Variants in DNAJC15 observed in about 807,000 individuals in gnomAD.
The protein encoded by DNAJC15 is DnaJ heat shock protein family (Hsp40) member C15.
A neutral mutation model predicts 22.4 loss-of-function variants in DNAJC15; 27 were observed. The ratio of observed to expected loss-of-function variants is 1.20; its 90% CI spans 0.89 to 1.66. The LOEUF is 1.66. Among genes scored for constraint, DNAJC15 ranks in the 40% most tolerant of loss-of-function variants. DNAJC15 has a pLI of 0.00. For missense variants in DNAJC15, 208 were observed against 187.1 expected (o/e 1.11, Z -0.65); for synonymous variants, 79 against 63.2 (o/e 1.25, Z -1.19).
At chr13:43,105,354 A>G (rs914830500) in intron 5 of DNAJC15, among the ~76,000 whole-genome samples, 2 of 152,296 alleles carry the variant, frequency 1.3e-5, no homozygotes, top group East Asian at 1.9e-4. Context: ...GCTCTAATTA[A>G]TGGAACCTAA....
intron 3 of DNAJC15, 143 bp downstream of exon 3, chr13:43,069,146 A>C: frequency 1.4e-6 from 1 of 719,452 alleles, no homozygotes; most frequent in African/African-American, 1.8e-5. Context: ...GAGTTTGTCT[A>C]ATTTACTGGC....
At chr13:43,097,828 T>C (rs1015656028) in intron 5 of DNAJC15, among the ~76,000 whole-genome samples, 1 of 152,124 alleles carries the variant, frequency 6.6e-6, no homozygotes, top group South Asian at 2.1e-4. Context: ...TCCCAGCTAC[T>C]CAGGAGGCTG....
At chr13:43,100,087 T>G (rs1214557420) in intron 5 of DNAJC15, among the ~76,000 whole-genome samples, 1 of 152,132 alleles carries the variant, frequency 6.6e-6, no homozygotes, top group Admixed American at 6.5e-5. Flanking sequence ...TGAGTCAGTA[T>G]CAGTAGTTTG....
intron 3 of DNAJC15, among the ~76,000 whole-genome samples, chr13:43,077,160 T>C (rs982342712): frequency 1.3e-5 from 2 of 152,210 alleles, no homozygotes; most frequent in East Asian, 1.9e-4. Flanking sequence ...ATTTTAAACT[T>C]AGTATATCCG....
chr13:43,031,163 A>G (rs2040402698), intron 1 of DNAJC15, among the ~76,000 whole-genome samples: 1 of 152,214 alleles, frequency 6.6e-6, no homozygotes, highest in Non-Finnish European at 1.5e-5. Context: ...TGCTTTTCTA[A>G]AGGAGGCAGA....
At chr13:43,100,261 G>A (rs1043232700) in intron 5 of DNAJC15, among the ~76,000 whole-genome samples, 2 of 142,530 alleles carry the variant, frequency 1.4e-5, no homozygotes, top group African/African-American at 2.6e-5. Flanking sequence ...AGACTGGAGT[G>A]CAGTGGCACA....
chr13:43,107,319 C>T lies in DNAJC15; in HGVS notation c.*71C>T, dbSNP rs1315372457. 7 of 1,303,600 alleles carry T rather than the reference C, an allele frequency of 5.4e-6. No individual in the cohort carries two copies. The highest frequency in any genetic ancestry group is 6.4e-5 in the Admixed American group (2 of 31,364). The allele number at this position is 1,303,600 out of a possible 1,614,324, so 80.8% of individuals were successfully genotyped here. On this transcript the variant is annotated 3_prime_UTR_variant, in exon 6 of 6. Coordinates refer to ENST00000379221, the MANE Select transcript of DNAJC15 (RefSeq NM_013238.3). ...AAAAAAAAAAGCCCTGCAAAATATTCTAAAACATGGTCTTCTTAATTTTCT... is the reference window on the plus strand; with the variant it reads ...AAAAAAAAAAGCCCTGCAAAATATTTTAAAACATGGTCTTCTTAATTTTCT...
At chr13:43,037,813 G>C (rs149136831) in intron 1 of DNAJC15, among the ~76,000 whole-genome samples, 361 of 152,314 alleles carry the variant, frequency 2.4e-3, no homozygotes, top group Middle Eastern at 0.02. Context: ...GGAACACATG[G>C]AGGTCATGTA....
chr13:43,048,325 C>CAAAAAAAAAAAAA (rs766125510), intron 1 of DNAJC15, among the ~76,000 whole-genome samples: 8 of 130,190 alleles, frequency 6.1e-5, no homozygotes, highest in Non-Finnish European at 6.7e-5. Context: ...ACTAAAAATA[C>CAAAAAAAAAAAAA]AAAAAAAAAA....
At chr13:43,054,877 A>C (rs2153440387) in intron 1 of DNAJC15, among the ~76,000 whole-genome samples, 1 of 152,288 alleles carries the variant, frequency 6.6e-6, no homozygotes, top group Admixed American at 6.5e-5. Context: ...GTTCAAAGAA[A>C]TCACTTCTCT....
chr13:43,075,518 A>G (rs529718108), intron 3 of DNAJC15, among the ~76,000 whole-genome samples: 5 of 152,326 alleles, frequency 3.3e-5, no homozygotes, highest in African/African-American at 7.2e-5. Context: ...GGCATGATTT[A>G]AAAACAAAAG....
At chr13:43,086,074 C>G (rs2153441613) in intron 5 of DNAJC15, among the ~76,000 whole-genome samples, 1 of 152,244 alleles carries the variant, frequency 6.6e-6, no homozygotes, top group South Asian at 2.1e-4. Flanking sequence ...ACTTCCTGAA[C>G]CATCTGATGC....
At chr13:43,061,282 C>T (rs1179998669) in intron 1 of DNAJC15, among the ~76,000 whole-genome samples, 3 of 152,018 alleles carry the variant, frequency 2.0e-5, no homozygotes, top group Non-Finnish European at 2.9e-5. Context: ...TGGGAGTGGT[C>T]AGATGAGAAG....
chr13:43,073,952 A>G (rs1216721164), intron 3 of DNAJC15, among the ~76,000 whole-genome samples: 1 of 142,162 alleles, frequency 7.0e-6, no homozygotes, highest in Non-Finnish European at 1.6e-5. Context: ...GAGAAAACCC[A>G]TCCTTCTTCT....
chr13:43,025,702 G>A (rs1313950094), intron 1 of DNAJC15, among the ~76,000 whole-genome samples: 8 of 152,224 alleles, frequency 5.3e-5, no homozygotes, highest in South Asian at 4.2e-4. Flanking sequence ...TCAGGGGTTC[G>A]AGACCAGCCT....
At chr13:43,073,506 C>T (rs1178312462) in intron 3 of DNAJC15, among the ~76,000 whole-genome samples, 1 of 152,092 alleles carries the variant, frequency 6.6e-6, no homozygotes, top group African/African-American at 2.4e-5. Flanking sequence ...TACCTGGCCT[C>T]TTATGCTCTA....
At position 43,076,522 on chromosome 13, in the gene DNAJC15, A is replaced by G. The variant is rs1453593824; in HGVS notation, c.235-2090A>G. Among the ~76,000 whole-genome samples, 4 of 152,240 alleles carry G rather than the reference A, an allele frequency of 2.6e-5. No individual in the cohort carries two copies. The East Asian group carries it at 7.7e-4, about 29-fold the overall frequency. On this transcript the variant is annotated intron_variant, in intron 3 of 5. Coordinates refer to ENST00000379221, the MANE Select transcript of DNAJC15 (RefSeq NM_013238.3). ...AGAAGTTAAAAACAAAGAAAAAATT[A>G]TAATCCCACCAGCTAAAAATAACTT...
intron 3 of DNAJC15, 101 bp downstream of exon 3, chr13:43,069,104 T>C: frequency 3.3e-6 from 4 of 1,214,778 alleles, no homozygotes; most frequent in Non-Finnish European, 4.6e-6. Context: ...CCAATGTTTG[T>C]AGAAGTTTGT....
At chr13:43,083,215 T>C (rs2040671746) in intron 4 of DNAJC15, among the ~76,000 whole-genome samples, 1 of 152,122 alleles carries the variant, frequency 6.6e-6, no homozygotes. Context: ...TCACCCAGGC[T>C]GGAGTGCAGT....
Sources: gnomAD v4.1 joint callset for allele counts (sites outside exome capture counted in the v4.1 genomes callset) on GRCh38, gnomAD v4.1.1 for gene constraint, MANE v1.5 for transcripts, NCBI Gene and HGNC (gene_info 2026-07-23, HGNC 2026-07-21) for gene names.